PRR16: variants seen among roughly 807,000 people sequenced by gnomAD.
PRR16 encodes the protein proline rich 16.
In PRR16, 6 loss-of-function variants were observed where a neutral mutation model predicts 18.2. The ratio of observed to expected loss-of-function variants is 0.33; its 90% CI spans 0.18 to 0.65. PRR16 has a LOEUF of 0.65. PRR16 is among the 30% of genes least tolerant of loss of function. PRR16 has a pLI of 0.74. For synonymous variants in PRR16, 151 were observed against 147.8 expected (o/e 1.02, Z -0.16); for missense variants, 412 against 376.6 (o/e 1.09, Z -0.78).
At chr5:120,526,034 CAGTT>C (rs1010436532) in intron 1 of PRR16, among the ~76,000 whole-genome samples, 4 of 152,060 alleles carry the variant, frequency 2.6e-5, no homozygotes, top group African/African-American at 9.7e-5. Context: ...GGCCGAGAAA[CAGTT>C]AGATCCACAA....
At chr5:120,702,551 G>A in the PRR16 span, among the ~76,000 whole-genome samples, 5 of 152,156 alleles carry the variant, frequency 3.3e-5, no homozygotes, top group Non-Finnish European at 5.9e-5. Context: ...AGGCGTCCCT[G>A]CGTGGTCTGA....
the PRR16 span, among the ~76,000 whole-genome samples, chr5:120,695,414 A>C: frequency 6.6e-6 from 1 of 152,028 alleles, no homozygotes; most frequent in South Asian, 2.1e-4. Context: ...AATCTCTCTC[A>C]TTTTTTTAAA....
chr5:120,618,584 A>G (rs939726302), intron 1 of PRR16: 1 of 917,572 alleles, frequency 1.1e-6, no homozygotes, highest in African/African-American at 1.8e-5. Flanking sequence ...AAAAGAAGTT[A>G]TAGCAAATCA....
the PRR16 span, among the ~76,000 whole-genome samples, chr5:120,744,737 G>A: frequency 6.6e-6 from 1 of 151,922 alleles, no homozygotes; most frequent in Non-Finnish European, 1.5e-5. Flanking sequence ...GCATATATTT[G>A]TCATAAATAC....
intron 1 of PRR16, among the ~76,000 whole-genome samples, chr5:120,466,764 A>G (rs938695722): frequency 2.0e-5 from 3 of 152,240 alleles, no homozygotes; most frequent in Non-Finnish European, 4.4e-5. Flanking sequence ...AGATGAAACT[A>G]TCTGACAGAT....
intron 1 of PRR16, among the ~76,000 whole-genome samples, chr5:120,646,048 T>TTATATATATATATA (rs10606917): frequency 0.043 from 4,446 of 104,012 alleles, 185 homozygotes; most frequent in East Asian, 0.086. Context: ...AATACATATT[T>TTATATATATATATA]TATATATATA....
rs115424618 is a variant in PRR16 at position 120,588,088 on chromosome 5, G to A, written c.160-97866G>A. 8.1e-3 allele frequency among the ~76,000 whole-genome samples: 1,240 copies of A among 152,296 alleles called. 24 individuals are homozygous for A. Among genetic ancestry groups the A allele is most frequent in the African/African-American group, 0.028 (1,149 of 41,568 alleles). On this transcript the variant is annotated intron_variant, in intron 1 of 1. Transcript: ENST00000407149. ...GTAAATAGCAAGAGAACTAGAAGTA[G>A]TGCCTGAAGATATAACTGAATTGCT...
the PRR16 span, among the ~76,000 whole-genome samples, chr5:120,791,434 C>A: frequency 6.6e-6 from 1 of 151,808 alleles, no homozygotes; most frequent in African/African-American, 2.4e-5. Flanking sequence ...TGCTAGAAAA[C>A]AGAAAGCTCA....
At chr5:120,680,426 TAA>T (rs1402988870) in intron 1 of PRR16, among the ~76,000 whole-genome samples, 1 of 152,180 alleles carries the variant, frequency 6.6e-6, no homozygotes, top group African/African-American at 2.4e-5. Flanking sequence ...TTATATTTGC[TAA>T]CACAATCACT....
intron 1 of PRR16, among the ~76,000 whole-genome samples, chr5:120,488,781 C>A (rs1055476937): frequency 2.0e-5 from 3 of 151,964 alleles, no homozygotes; most frequent in African/African-American, 7.3e-5. Context: ...CTCTTGTGTG[C>A]ATTTAGTGCT....
In PRR16 at chr5:120,680,323, A is replaced by G. The variant is rs150803726; in HGVS notation, c.160-5631A>G. Among the ~76,000 whole-genome samples, 93 of 152,242 alleles carry G rather than the reference A, an allele frequency of 6.1e-4. No homozygotes were observed. In the East Asian group the frequency reaches 0.016, roughly 26 times the overall value. ...TAAACAAGATATACCTACTGAATAT[A>G]TCTTTTTATTATTTCTTAAAATATT... On this transcript the variant is annotated intron_variant, in intron 1 of 1. Transcript: ENST00000407149.
intron 1 of PRR16, among the ~76,000 whole-genome samples, chr5:120,540,786 C>T (rs1210311039): frequency 6.6e-6 from 1 of 152,102 alleles, no homozygotes; most frequent in East Asian, 1.9e-4. Flanking sequence ...GTTATAAGAA[C>T]TCAGCCTCCT....
At chr5:120,555,378 T>C (rs1315992043) in intron 1 of PRR16, among the ~76,000 whole-genome samples, 1 of 151,948 alleles carries the variant, frequency 6.6e-6, no homozygotes, top group Non-Finnish European at 1.5e-5. Flanking sequence ...GCTTAAGCAA[T>C]GGGAATTTAT....
the PRR16 span, among the ~76,000 whole-genome samples, chr5:120,723,166 G>C: frequency 6.6e-6 from 1 of 151,686 alleles, no homozygotes; most frequent in Non-Finnish European, 1.5e-5. Flanking sequence ...TATATCTAAG[G>C]ATATGTGATC....
At chr5:120,663,423 G>A (rs1277713862) in intron 1 of PRR16, among the ~76,000 whole-genome samples, 2 of 150,816 alleles carry the variant, frequency 1.3e-5, no homozygotes, top group East Asian at 2.0e-4. Context: ...TGTTGAAAAG[G>A]TTAAAAAGGT....
intron 1 of PRR16, among the ~76,000 whole-genome samples, chr5:120,491,468 C>CTT (rs1750043184): frequency 1.1e-5 from 1 of 93,070 alleles, no homozygotes; most frequent in Non-Finnish European, 2.1e-5. Flanking sequence ...CCTTTCCTTT[C>CTT]CTTTCCTTTC....
chr5:120,491,288 T>C (rs1750029646), intron 1 of PRR16, among the ~76,000 whole-genome samples: 1 of 152,082 alleles, frequency 6.6e-6, no homozygotes, highest in Admixed American at 6.6e-5. Context: ...GGCCTTGAGA[T>C]TAATTTTCTG....
intron 1 of PRR16, among the ~76,000 whole-genome samples, chr5:120,645,816 T>C (rs1030131800): frequency 3.2e-4 from 39 of 121,890 alleles, no homozygotes; most frequent in Non-Finnish European, 4.0e-5. Flanking sequence ...TTCCAGGCAT[T>C]ACATCTCGAA....
chr5:120,772,431 A>C, the PRR16 span, among the ~76,000 whole-genome samples: 1 of 152,106 alleles, frequency 6.6e-6, no homozygotes, highest in Non-Finnish European at 1.5e-5. Flanking sequence ...TGCATAATTC[A>C]ATAATGGTTG....
Sources: gnomAD v4.1 joint callset for allele counts (sites outside exome capture counted in the v4.1 genomes callset) on GRCh38, gnomAD v4.1.1 for gene constraint, MANE v1.5 for transcripts, NCBI Gene and HGNC (gene_info 2026-07-23, HGNC 2026-07-21) for gene names.